TGFA: variants seen among roughly 807,000 people sequenced by gnomAD.
TGFA encodes the protein protransforming growth factor alpha.
TGFA carries 12 observed loss-of-function variants against 21.7 expected under a neutral mutation model. The ratio of observed to expected loss-of-function variants is 0.55; its 90% confidence interval spans 0.35 to 0.90. TGFA has a LOEUF of 0.90. Ranked by LOEUF, TGFA falls within the 40% of genes least tolerant of loss-of-function variation. The pLI is 0.01. For missense variants in TGFA, 178 were observed against 210.8 expected (o/e 0.84, Z 0.96); for synonymous variants, 79 against 88.1 (o/e 0.90, Z 0.58).
chr2:70,509,745 C>T (rs1672035620), intron 2 of TGFA, among the ~76,000 whole-genome samples: 1 of 152,138 alleles, frequency 6.6e-6, no homozygotes, highest in South Asian at 2.1e-4. Context: ...GAGTAATGCC[C>T]TCACCACACC....
intron 1 of TGFA, among the ~76,000 whole-genome samples, chr2:70,519,817 G>A (rs1672393734): frequency 6.6e-6 from 1 of 152,232 alleles, no homozygotes; most frequent in African/African-American, 2.4e-5. Flanking sequence ...GATCAGGGAG[G>A]CAAGAGAGAT....
chr2:70,454,284 G>A (rs1670152196), intron 4 of TGFA, among the ~76,000 whole-genome samples: 1 of 152,220 alleles, frequency 6.6e-6, no homozygotes, highest in Non-Finnish European at 1.5e-5. Flanking sequence ...CCCAGCCCCT[G>A]TCTTGGCACT....
At chr2:70,504,481 C>CACACAA (rs1671856893) in intron 2 of TGFA, among the ~76,000 whole-genome samples, 1 of 72,966 alleles carries the variant, frequency 1.4e-5, no homozygotes, top group African/African-American at 4.4e-5. Context: ...TACATACATA[C>CACACAA]ATACACACAC....
At chr2:70,464,951 G>A (rs556525372) in intron 3 of TGFA, among the ~76,000 whole-genome samples, 1 of 152,302 alleles carries the variant, frequency 6.6e-6, no homozygotes, top group East Asian at 1.9e-4. Context: ...CAACCTGGCT[G>A]ACTGTGGCAG....
intron 1 of TGFA, among the ~76,000 whole-genome samples, chr2:70,537,772 C>T (rs1216268482): frequency 5.3e-5 from 8 of 152,222 alleles, no homozygotes; most frequent in African/African-American, 1.2e-4. Context: ...TGACAGTGCA[C>T]AGCGAAGCAG....
intron 2 of TGFA, among the ~76,000 whole-genome samples, chr2:70,493,570 T>A (rs184222901): frequency 1.1e-4 from 16 of 152,222 alleles, no homozygotes; most frequent in African/African-American, 2.9e-4. Context: ...GAATCCCCCA[T>A]ATGAGAACAC....
chr2:70,538,195 A>G (rs1673030541), intron 1 of TGFA, among the ~76,000 whole-genome samples: 1 of 152,380 alleles, frequency 6.6e-6, no homozygotes, highest in Non-Finnish European at 1.5e-5. Flanking sequence ...CATTTCTTTC[A>G]AAATGTTACT....
At chr2:70,481,601 C>T (rs1270866872) in intron 2 of TGFA, among the ~76,000 whole-genome samples, 1 of 152,186 alleles carries the variant, frequency 6.6e-6, no homozygotes, top group Non-Finnish European at 1.5e-5. Context: ...GTATCCACAG[C>T]CTTGTGAAGT....
At position 70,464,435 on chromosome 2, in the gene TGFA, C is replaced by T. The variant is rs374155449; in HGVS notation, c.215+1181G>A. ...ATTTTACCTACAAAAATGGCAATTT[C>T]ATATGGATCCATGACTCTTAACTGG... is the stretch of plus-strand genomic sequence containing the variant. On this transcript the variant is annotated intron_variant, in intron 3 of 5. Coordinates refer to ENST00000295400, the MANE Select transcript of TGFA (RefSeq NM_003236.4). Among the ~76,000 whole-genome samples, 25 of 152,326 alleles carry T rather than the reference C, an allele frequency of 1.6e-4. 1 individual carries two copies. The highest frequency in any genetic ancestry group is 6.0e-4 in the African/African-American group (25 of 41,568).
chr2:70,512,022 T>TGA (rs1156797445), intron 2 of TGFA, among the ~76,000 whole-genome samples: 2 of 147,616 alleles, frequency 1.4e-5, no homozygotes, highest in Non-Finnish European at 3.0e-5. Context: ...TGTGCGGTGA[T>TGA]GAGAGAGTGG....
In TGFA at chr2:70,456,450, G is replaced by A. The variant is rs1418346765; in HGVS notation, c.254C>T (p.Ala85Val). The A allele has an allele frequency of 7.5e-6, 12 of 1,607,046 alleles. No homozygotes were observed. Among genetic ancestry groups the A allele is most frequent in the South Asian group, 2.2e-5 (2 of 89,318 alleles). The change falls in exon 4 of 6, where the codon GCG becomes GTG. Residue 85 changes from alanine to valine, a missense_variant. Physicochemically the swap from Ala to Val is moderately conservative, Grantham distance 64. Coordinates refer to ENST00000295400, the MANE Select transcript of TGFA (RefSeq NM_003236.4). ...GGCAGCCACCACGGCCAGGAGGTCC[G>A]CATGCTCACAGCGTGCACCAACGTA... is the stretch of plus-strand genomic sequence containing the variant. ...SGYVGARCEH[A>V]DLLAVVAASQ...
At chr2:70,471,102 T>C (rs3771511) in intron 2 of TGFA, among the ~76,000 whole-genome samples, 61,832 of 141,774 alleles carry the variant, frequency 0.44, 13,361 homozygotes, top group East Asian at 0.51. Flanking sequence ...TGCATTCTCC[T>C]CCCCGCACCC....
chr2:70,457,241 G>T (rs1050053260), intron 3 of TGFA, among the ~76,000 whole-genome samples: 1 of 152,146 alleles, frequency 6.6e-6, no homozygotes, highest in Non-Finnish European at 1.5e-5. Context: ...AGTGGGCAGG[G>T]GAGGGCGAGT....
At chr2:70,458,061 A>G (rs1670292619) in intron 3 of TGFA, among the ~76,000 whole-genome samples, 1 of 152,196 alleles carries the variant, frequency 6.6e-6, no homozygotes, top group South Asian at 2.1e-4. Flanking sequence ...GAATAAGAAC[A>G]CTGACTTTCA....
chr2:70,519,746 C>T (rs1244925110), intron 1 of TGFA, among the ~76,000 whole-genome samples: 1 of 152,218 alleles, frequency 6.6e-6, no homozygotes, highest in Non-Finnish European at 1.5e-5. Context: ...AGGAATTTTC[C>T]ATATCCATCT....
rs144023816 is a variant in TGFA at position 70,487,427 on chromosome 2, C to T, written c.95-21691G>A. On this transcript the variant is annotated intron_variant, in intron 2 of 5. Transcript: ENST00000295400. ...ATATGAGATATCCTGGGGATGGGAC[C>T]CAACTCTAAACATAAAATTCATTTG... Among the ~76,000 whole-genome samples, 49 of 152,194 alleles carry T rather than the reference C, an allele frequency of 3.2e-4. 1 individual carries two copies. The highest frequency in any genetic ancestry group is 1.1e-3 in the African/African-American group (47 of 41,506).
chr2:70,530,225 C>T (rs1053782744), intron 1 of TGFA, among the ~76,000 whole-genome samples: 1 of 152,250 alleles, frequency 6.6e-6, no homozygotes, highest in Admixed American at 6.5e-5. Context: ...GTCAGACCTA[C>T]ATGAGTAAAT....
chr2:70,459,020 T>G (rs1017804806), intron 3 of TGFA, among the ~76,000 whole-genome samples: 2 of 152,252 alleles, frequency 1.3e-5, no homozygotes, highest in Non-Finnish European at 2.9e-5. Flanking sequence ...GGTTAGTGCT[T>G]CTTTCTCCCG....
chr2:70,485,264 A>ACT (rs1357318039), intron 2 of TGFA, among the ~76,000 whole-genome samples: 2 of 151,384 alleles, frequency 1.3e-5, no homozygotes, highest in East Asian at 3.9e-4. Flanking sequence ...TTTGAGACAG[A>ACT]CTCTTGCCCT....
Sources: allele counts gnomAD v4.1 joint callset (sites outside exome capture counted in the v4.1 genomes callset), GRCh38; gene constraint gnomAD v4.1.1; transcripts MANE v1.5; gene names NCBI Gene and HGNC (gene_info 2026-07-23, HGNC 2026-07-21).